DNAJA1: variants seen among roughly 807,000 people sequenced by gnomAD.
DNAJA1 encodes the protein DnaJ heat shock protein family (Hsp40) member A1.
DNAJA1 carries 26 observed loss-of-function variants against 47.6 expected under a neutral mutation model. That is an observed-to-expected ratio of 0.55 (90% CI 0.40 to 0.76). DNAJA1 has a LOEUF of 0.76. Ranked by LOEUF, DNAJA1 falls within the 30% of genes least tolerant of loss-of-function variation. The probability of loss-of-function intolerance (pLI) is 0.00; values close to 1 mark genes in which losing one functional copy is unlikely to be tolerated. For missense variants in DNAJA1, 315 were observed against 485.0 expected, an observed-to-expected ratio of 0.65 and a Z score of 3.29; for synonymous variants, 165 against 158.4, an observed-to-expected ratio of 1.04 and a Z score of -0.31.
intron 1 of DNAJA1, among the ~76,000 whole-genome samples, chr9:33,025,698 TG>T (rs58332210): frequency 0.47 from 69,415 of 146,904 alleles, 16,068 homozygotes; most frequent in Non-Finnish European, 0.49. Context: ...TCGCTCGGGG[TG>T]GGGGGGGGGA....
chr9:33,029,504 C>T (rs368665951), intron 3 of DNAJA1, among the ~76,000 whole-genome samples: 1 of 152,192 alleles, frequency 6.6e-6, no homozygotes, highest in Non-Finnish European at 1.5e-5. Context: ...CAATACGGTA[C>T]GAAGTGAAAG....
intron 6 of DNAJA1, among the ~76,000 whole-genome samples, chr9:33,034,615 C>G: frequency 6.6e-6 from 1 of 150,812 alleles, no homozygotes; most frequent in South Asian, 2.1e-4. Context: ...AAAATTTGCC[C>G]TCAATCTTTG....
chr9:33,036,732 G>A, intron 7 of DNAJA1, 43 bp downstream of exon 7: 1 of 1,434,338 alleles, frequency 7.0e-7, no homozygotes, highest in Non-Finnish European at 9.7e-7. Context: ...TTCTATTCTA[G>A]TATTTTCCTT....
chr9:33,035,551 C>T (rs563281064), intron 6 of DNAJA1, among the ~76,000 whole-genome samples: 13 of 152,178 alleles, frequency 8.5e-5, no homozygotes, highest in East Asian at 5.8e-4. Context: ...CTCACTGCAA[C>T]CTCCAACTCC....
chr9:33,028,025 C>CAAAAAAA (rs144327341), intron 3 of DNAJA1, among the ~76,000 whole-genome samples: 18 of 77,874 alleles, frequency 2.3e-4, no homozygotes, highest in East Asian at 1.0e-3. Flanking sequence ...ACTCTTGTCT[C>CAAAAAAA]AAAAAAAAAA....
At chr9:33,029,157 A>G (rs1175093388) in intron 3 of DNAJA1, among the ~76,000 whole-genome samples, 2 of 152,236 alleles carry the variant, frequency 1.3e-5, no homozygotes, top group Admixed American at 6.5e-5. Flanking sequence ...GACAAAAACA[A>G]AAATACGGTT....
At position 33,039,731 on chromosome 9, in the gene DNAJA1, T is replaced by C. The variant is rs1210867978; in HGVS notation, c.*828T>C. 2 of 151,888 alleles carry C rather than the reference T, an allele frequency of 1.3e-5. No individual in the cohort carries two copies. Among genetic ancestry groups the C allele is most frequent in the African/African-American group, 2.4e-5 (1 of 41,372 alleles). The allele number at this position is 151,888 out of a possible 1,614,324, so 9.4% of individuals were successfully genotyped here. ...CTTTAGGTATGTTACAGGATTACTTTAAACCATTTGACTTTCGCTCCAAAG... is the reference window on the plus strand; with the variant it reads ...CTTTAGGTATGTTACAGGATTACTTCAAACCATTTGACTTTCGCTCCAAAG... On this transcript the variant is annotated 3_prime_UTR_variant, in exon 9 of 9. Transcript: ENST00000330899.
In DNAJA1 at chr9:33,039,131, A is replaced by G. The variant is rs1435813321; in HGVS notation, c.*228A>G. The G allele has an allele frequency of 1.9e-6, 1 of 521,206 alleles. No homozygotes were observed. Among genetic ancestry groups the G allele is most frequent in the Admixed American group, 3.4e-5 (1 of 29,200 alleles). The allele number at this position is 521,206 out of a possible 1,614,324, so 32.3% of individuals were successfully genotyped here. ...ATGAAGTTTAATACCTGTAAAAACT[A>G]CAAAGAAGTTCCCCTAGCATTTCTA... is the stretch of plus-strand genomic sequence containing the variant. On this transcript the variant is annotated 3_prime_UTR_variant, in exon 9 of 9. Transcript: ENST00000330899.
chr9:33,028,224 A>C (rs904803101), intron 3 of DNAJA1, among the ~76,000 whole-genome samples: 1 of 152,196 alleles, frequency 6.6e-6, no homozygotes, highest in Non-Finnish European at 1.5e-5. Context: ...CAACAGAGCC[A>C]GGGCTGAAAA....
Position 33,030,425 on chromosome 9 carries a change from T to C in DNAJA1, c.416-15T>C. The C allele has an allele frequency of 2.5e-6, 4 of 1,601,674 alleles. No homozygotes were observed. Among genetic ancestry groups the C allele is most frequent in the East Asian group, 2.3e-5 (1 of 43,706 alleles). ...TACTAATTCATACATTATTTAATTT[T>C]CTTTTTAAATTTAGGTAGAGGAGGT... On this transcript the variant is annotated splice_polypyrimidine_tract_variant and intron_variant, in intron 4 of 8. Transcript: ENST00000330899.
At chr9:33,034,185 T>TA in intron 5 of DNAJA1, 31 bp from the exon 6 acceptor site, 1 of 1,464,120 alleles carries the variant, frequency 6.8e-7, no homozygotes, top group Non-Finnish European at 9.3e-7. Context: ...GGATATTTAA[T>TA]AAAAGTACAA....
intron 5 of DNAJA1, among the ~76,000 whole-genome samples, chr9:33,033,922 T>C (rs950023757): frequency 6.6e-5 from 10 of 152,184 alleles, no homozygotes; most frequent in Non-Finnish European, 2.9e-5. Context: ...TAATGAGGTG[T>C]AGGTGTCTGT....
At chr9:33,038,547 A>T in intron 8 of DNAJA1, 138 bp from the exon 9 acceptor site, 1 of 720,560 alleles carries the variant, frequency 1.4e-6, no homozygotes, top group Non-Finnish European at 2.3e-6. Context: ...GCCTTTTTAG[A>T]GCCTGTTCTA....
intron 3 of DNAJA1, 116 bp from the exon 4 acceptor site, chr9:33,029,768 GA>G: frequency 1.4e-6 from 1 of 728,244 alleles, no homozygotes; most frequent in Non-Finnish European, 2.2e-6. Flanking sequence ...GTAGTCAACA[GA>G]TGTACCCTGT....
At chr9:33,031,351 C>T (rs1374886250) in intron 5 of DNAJA1, among the ~76,000 whole-genome samples, 1 of 152,212 alleles carries the variant, frequency 6.6e-6, no homozygotes, top group Non-Finnish European at 1.5e-5. Context: ...CCTGCCTCGG[C>T]CTCCCAAAGT....
In DNAJA1 at chr9:33,026,799, C is replaced by T. The variant is rs1838874218; in HGVS notation, c.133-14C>T. 6.2e-7 allele frequency: 1 copy of T among 1,604,672 alleles called. No homozygotes were observed. The highest frequency in any genetic ancestry group is 1.3e-5 in the African/African-American group (1 of 74,130). On this transcript the variant is annotated splice_polypyrimidine_tract_variant and intron_variant, in intron 2 of 8. Coordinates refer to ENST00000330899, the MANE Select transcript of DNAJA1 (RefSeq NM_001539.4). Reference sequence around the variant, plus strand: ...TTTTTAAAAAATGAAATTCACTCCTCTTTTCTCAAACAGTTTAAACAGATT... The same window carrying T: ...TTTTTAAAAAATGAAATTCACTCCTTTTTTCTCAAACAGTTTAAACAGATT...
Position 33,039,557 on chromosome 9 carries a change from A to G in DNAJA1, c.*654A>G, listed in dbSNP as rs1239111291. ...CATTCATATATATATACATATATAT[A>G]TATAATCTTGACCAGTCCTGGTCAT... On this transcript the variant is annotated 3_prime_UTR_variant, in exon 9 of 9. Coordinates refer to ENST00000330899, the MANE Select transcript of DNAJA1 (RefSeq NM_001539.4). 6.9e-6 allele frequency: 1 copy of G among 144,236 alleles called. No individual in the cohort carries two copies. The highest frequency in any genetic ancestry group is 1.9e-4 in the East Asian group (1 of 5,136). 8.9% of individuals were successfully genotyped at this position (144,236 alleles called of 1,614,324 possible).
At position 33,030,525 on chromosome 9, in the gene DNAJA1, T is replaced by G. The variant is rs1187707977; in HGVS notation, c.501T>G (p.Pro167=). 1 of 1,614,146 alleles carries G rather than the reference T, an allele frequency of 6.2e-7. No individual in the cohort carries two copies. Among genetic ancestry groups the G allele is most frequent in the Admixed American group, 1.7e-5 (1 of 60,030 alleles). ...AAATAAGAATTCATCAGATAGGACC[T>G]GGAATGGTTCAGCAAATTCAGTCTG... ...GMQIRIHQIG[P]GMVQQIQSVC... The change falls in exon 5 of 9, where the codon CCT becomes CCG. Residue 167 remains proline, a synonymous_variant. Transcript: ENST00000330899.
At chr9:33,029,699 G>T (rs1437902595) in intron 3 of DNAJA1, among the ~76,000 whole-genome samples, 186 bp from the exon 4 acceptor site, 1 of 152,142 alleles carries the variant, frequency 6.6e-6, no homozygotes, top group Admixed American at 6.5e-5. Context: ...CCTCATCTGT[G>T]ATTACATCAC....
Sources: gnomAD v4.1 joint callset for allele counts (sites outside exome capture counted in the v4.1 genomes callset) on GRCh38, gnomAD v4.1.1 for gene constraint, MANE v1.5 for transcripts, NCBI Gene and HGNC (gene_info 2026-07-23, HGNC 2026-07-21) for gene names.